Variants in CDC42EP3 observed in about 807,000 individuals in gnomAD.
CDC42EP3 encodes the protein CDC42 effector protein (Rho GTPase binding) 3.
A neutral mutation model predicts 15.5 loss-of-function variants in CDC42EP3; 4 were observed. The observed-to-expected ratio is 0.26, with a 90% CI of 0.13 to 0.59. The LOEUF is 0.59. CDC42EP3 is among the 20% of genes least tolerant of loss of function. The probability of loss-of-function intolerance (pLI) is 0.89; values close to 1 mark genes in which losing one functional copy is unlikely to be tolerated. For synonymous variants in CDC42EP3, 145 were observed against 130.3 expected (o/e 1.11, Z -0.77); for missense variants, 309 against 311.2 (o/e 0.99, Z 0.05).
At chr2:37,665,854 C>T (rs1666232488) in intron 1 of CDC42EP3, among the ~76,000 whole-genome samples, 2 of 21,082 alleles carry the variant, frequency 9.5e-5, no homozygotes, top group South Asian at 4.2e-3. Context: ...TGCCACTGAT[C>T]CTGGCTCACT....
chr2:37,666,393 G>A (rs1292637161), intron 1 of CDC42EP3, among the ~76,000 whole-genome samples: 8 of 152,170 alleles, frequency 5.3e-5, no homozygotes. Flanking sequence ...CATGGCTCGA[G>A]GTACACTTTA....
intron 1 of CDC42EP3, among the ~76,000 whole-genome samples, chr2:37,647,836 G>C (rs920216207): frequency 6.6e-6 from 1 of 152,180 alleles, no homozygotes; most frequent in Non-Finnish European, 1.5e-5. Context: ...GTTACACTGT[G>C]CAAGGGCCTA....
rs181403080 is a variant in CDC42EP3 at position 37,659,116 on chromosome 2, T to A, written c.-235-12294A>T. Among the ~76,000 whole-genome samples, 7 of 152,328 alleles carry A rather than the reference T, an allele frequency of 4.6e-5. No homozygotes were observed. The East Asian group carries it at 1.3e-3, about 29-fold the overall frequency. ...AACTATCACACTGGATTATTACCAC[T>A]ACTTATTTAACTCTTCCCCAATCAG... On this transcript the variant is annotated intron_variant, in intron 1 of 1. Coordinates refer to ENST00000295324, the MANE Select transcript of CDC42EP3 (RefSeq NM_006449.5).
At position 37,652,994 on chromosome 2, in the gene CDC42EP3, A is replaced by G. The variant is rs200290566; in HGVS notation, c.-235-6172T>C. Among the ~76,000 whole-genome samples, 11 of 152,194 alleles carry G rather than the reference A, an allele frequency of 7.2e-5. No homozygotes were observed. The East Asian group carries it at 1.4e-3, about 19-fold the overall frequency. On this transcript the variant is annotated intron_variant, in intron 1 of 1. Coordinates refer to ENST00000295324, the MANE Select transcript of CDC42EP3 (RefSeq NM_006449.5). ...GACCCTGAAATTTGAACTTCCCACA[A>G]TTATTCCTGGTTTCTTTCTAGTTCC...
At chr2:37,661,062 GTATGTATGTATGCA>G (rs1356839692) in intron 1 of CDC42EP3, among the ~76,000 whole-genome samples, 4 of 151,924 alleles carry the variant, frequency 2.6e-5, no homozygotes, top group East Asian at 3.8e-4. Context: ...ATAGGGAGTA[GTATGTATGTATGCA>G]TATGTATGTA....
intron 1 of CDC42EP3, among the ~76,000 whole-genome samples, chr2:37,659,681 A>C (rs1448462885): frequency 6.6e-6 from 1 of 152,208 alleles, no homozygotes; most frequent in Non-Finnish European, 1.5e-5. Flanking sequence ...AGAAACAATG[A>C]ACTTGCTCTT....
At chr2:37,652,749 T>G (rs1466453109) in intron 1 of CDC42EP3, among the ~76,000 whole-genome samples, 11 of 152,044 alleles carry the variant, frequency 7.2e-5, no homozygotes, top group Admixed American at 3.9e-4. Context: ...CAATTTTTTT[T>G]TTTTTTAGAA....
rs1267442645 is a variant in CDC42EP3, at chr2:37,646,506, G to C, written c.82C>G (p.Pro28Ala). ...CCAAGCGGGGGACTGATCATATCAG[G>C]AGACAGAATGTCCCTCAGTTTAAAT... ...KKFKLRDILS[P>A]DMISPPLGDF... Residue 28 changes from proline (P) to alanine (A), a missense_variant, in exon 2 of 2, where the codon CCT becomes GCT. Transcript: ENST00000295324. 5 of 1,600,614 alleles carry C rather than the reference G, an allele frequency of 3.1e-6. No individual in the cohort carries two copies. Among genetic ancestry groups the C allele is most frequent in the Non-Finnish European group, 4.3e-6 (5 of 1,176,316 alleles).
chr2:37,657,377 G>T (rs1230827261), intron 1 of CDC42EP3, among the ~76,000 whole-genome samples: 1 of 152,154 alleles, frequency 6.6e-6, no homozygotes, highest in Non-Finnish European at 1.5e-5. Flanking sequence ...TGTATTATGT[G>T]ATTTGTTGTT....
chr2:37,645,224 G>T lies in CDC42EP3; in HGVS notation c.*599C>A, dbSNP rs575102259. On this transcript the variant is annotated 3_prime_UTR_variant, in exon 2 of 2. Coordinates refer to ENST00000295324, the MANE Select transcript of CDC42EP3 (RefSeq NM_006449.5). ...ACTTAGTTACAGTAATACTTTGCCT[G>T]TGTCTTACCAACATGTAGCTGACAG... The T allele has an allele frequency of 6.5e-6, 1 of 152,686 alleles. No individual in the cohort carries two copies. Among genetic ancestry groups the T allele is most frequent in the South Asian group, 2.1e-4 (1 of 4,820 alleles). 9.5% of individuals were successfully genotyped at this position (152,686 alleles called of 1,614,324 possible). A position where few individuals can be genotyped will look rare whatever the true frequency, so the allele number is the denominator to read the frequency against.
At chr2:37,661,661 C>G (rs537967314) in intron 1 of CDC42EP3, among the ~76,000 whole-genome samples, 30 of 152,208 alleles carry the variant, frequency 2.0e-4, no homozygotes, top group Admixed American at 1.0e-3. Flanking sequence ...GACGGCAAGG[C>G]TACCGGGAGC....
At chr2:37,655,984 G>C (rs1665835007) in intron 1 of CDC42EP3, among the ~76,000 whole-genome samples, 1 of 152,168 alleles carries the variant, frequency 6.6e-6, no homozygotes, top group Non-Finnish European at 1.5e-5. Flanking sequence ...TCAGATTATG[G>C]TCATTTAACC....
rs1328145239 is a variant in CDC42EP3 at position 37,644,397 on chromosome 2, T to A, written c.*1426A>T. 6.6e-6 allele frequency: 1 copy of A among 152,196 alleles called. No individual in the cohort carries two copies. Among genetic ancestry groups the A allele is most frequent in the Non-Finnish European group, 1.5e-5 (1 of 68,046 alleles). The allele number at this position is 152,196 out of a possible 1,614,324, so 9.4% of individuals were successfully genotyped here. On this transcript the variant is annotated 3_prime_UTR_variant, in exon 2 of 2. Coordinates refer to ENST00000295324, the MANE Select transcript of CDC42EP3 (RefSeq NM_006449.5). The stretch of plus-strand genomic sequence containing the variant: ...TGTGTGTACATTTCCTGCTCCTGTT[T>A]CCTTAACCACCATCCTCAGGGCATC...
intron 1 of CDC42EP3, among the ~76,000 whole-genome samples, chr2:37,649,962 T>C (rs184640833): frequency 2.0e-5 from 3 of 152,210 alleles, no homozygotes; most frequent in Non-Finnish European, 4.4e-5. Flanking sequence ...ATTTACTGCA[T>C]GATGGGGCAT....
chr2:37,663,908 C>G (rs1666164317), intron 1 of CDC42EP3, among the ~76,000 whole-genome samples: 2 of 152,100 alleles, frequency 1.3e-5, no homozygotes, highest in African/African-American at 4.8e-5. Context: ...GGCGCGGTGG[C>G]TCATGCCTGT....
rs1362843621 is a variant in CDC42EP3, at chr2:37,652,197, A to AG, written c.-235-5376_-235-5375insC. Among the ~76,000 whole-genome samples, 194 of 150,418 alleles carry AG rather than the reference A, an allele frequency of 1.3e-3. 3 individuals carry two copies. Among genetic ancestry groups the AG allele is most frequent in the Non-Finnish European group, 2.4e-3 (161 of 67,452 alleles). ...CTCAAAAAAAAAAAAAAAAAAAAAAAAAAAGAAAATAGAAGACACCTGGGT... is the reference window on the plus strand; with the variant it reads ...CTCAAAAAAAAAAAAAAAAAAAAAAAGAAAAGAAAATAGAAGACACCTGGGT... On this transcript the variant is annotated intron_variant, in intron 1 of 1. Coordinates refer to ENST00000295324, the MANE Select transcript of CDC42EP3 (RefSeq NM_006449.5).
chr2:37,669,737 C>T (rs1666348082), intron 1 of CDC42EP3, among the ~76,000 whole-genome samples: 1 of 152,206 alleles, frequency 6.6e-6, no homozygotes, highest in African/African-American at 2.4e-5. Flanking sequence ...CTCTAAAGTT[C>T]TTATCTGTGA....
Position 37,646,380 on chromosome 2 carries a change from G to C in CDC42EP3, c.208C>G (p.Gln70Glu), listed in dbSNP as rs753350018. ...QGNYELLPGN[Q>E]EKAHLGQFPG... ...AACTGGCCCAGGTGTGCTTTCTCCT[G>C]GTTTCCAGGTAAAAGCTCGTAGTTC... The change falls in exon 2 of 2, where the codon CAG becomes GAG. Residue 70 changes from glutamine (Q) to glutamate (E), a missense_variant. Transcript: ENST00000295324. The C allele has an allele frequency of 1.2e-6, 2 of 1,613,936 alleles. No homozygotes were observed. Among genetic ancestry groups the C allele is most frequent in the Admixed American group, 3.3e-5 (2 of 59,996 alleles).
At chr2:37,647,393 C>A (rs1364461982) in intron 1 of CDC42EP3, 2 of 152,198 alleles carry the variant, frequency 1.3e-5, no homozygotes, top group Non-Finnish European at 2.9e-5. Context: ...TAGAAAGTTA[C>A]CTTTTCTCAA....
Sources: allele counts gnomAD v4.1 joint callset (sites outside exome capture counted in the v4.1 genomes callset), GRCh38; gene constraint gnomAD v4.1.1; transcripts MANE v1.5; gene names NCBI Gene and HGNC (gene_info 2026-07-23, HGNC 2026-07-21).